Variants in CALCR observed in about 807,000 individuals in gnomAD.
CALCR encodes calcitonin receptor.
Under a neutral mutation model 59.5 loss-of-function variants are expected in CALCR, and 47 were observed. That is an observed-to-expected ratio of 0.79 (90% CI 0.63 to 1.01). CALCR has a LOEUF of 1.01. CALCR is among the 50% of genes least tolerant of loss of function. CALCR has a pLI of 0.00. For missense variants in CALCR, 566 were observed against 597.1 expected, an observed-to-expected ratio of 0.95 and a Z score of 0.54; for synonymous variants, 213 against 211.3, an observed-to-expected ratio of 1.01 and a Z score of -0.07.
chr7:93,427,235 C>G (rs936951962), intron 13 of CALCR, among the ~76,000 whole-genome samples: 2 of 152,148 alleles, frequency 1.3e-5, no homozygotes, highest in African/African-American at 4.8e-5. Context: ...GGCAAAGATG[C>G]TAACATCAGA....
At chr7:93,510,665 G>T (rs1476051496) in intron 2 of CALCR, among the ~76,000 whole-genome samples, 2 of 151,904 alleles carry the variant, frequency 1.3e-5, no homozygotes, top group Admixed American at 1.3e-4. Flanking sequence ...GCCAGGAGTT[G>T]GAGACCAGCC....
At chr7:93,494,012 G>A (rs376820827) in intron 2 of CALCR, among the ~76,000 whole-genome samples, 2 of 151,386 alleles carry the variant, frequency 1.3e-5, no homozygotes, top group African/African-American at 4.8e-5. Flanking sequence ...ATTCCTAAAG[G>A]TGACTGCTCA....
At chr7:93,554,798 G>A (rs528861352) in intron 2 of CALCR, among the ~76,000 whole-genome samples, 27 of 105,118 alleles carry the variant, frequency 2.6e-4, no homozygotes, top group African/African-American at 1.5e-3. Context: ...TATATTATAC[G>A]TACATGTCAT....
intron 2 of CALCR, among the ~76,000 whole-genome samples, chr7:93,507,422 G>A (rs1801447848): frequency 6.6e-6 from 1 of 152,062 alleles, no homozygotes; most frequent in African/African-American, 2.4e-5. Context: ...AGGAGGGTAA[G>A]GAGCCAGGAC....
chr7:93,537,092 T>G (rs1789012005), intron 2 of CALCR, among the ~76,000 whole-genome samples: 1 of 151,596 alleles, frequency 6.6e-6, no homozygotes, highest in African/African-American at 2.4e-5. Flanking sequence ...TTTGTGAGCT[T>G]GAAATTCTAT....
intron 13 of CALCR, among the ~76,000 whole-genome samples, chr7:93,430,673 A>G (rs964445434): frequency 6.6e-6 from 1 of 152,198 alleles, no homozygotes; most frequent in Non-Finnish European, 1.5e-5. Flanking sequence ...TGTGTCTAGA[A>G]TAGTGGTTCT....
intron 2 of CALCR, among the ~76,000 whole-genome samples, chr7:93,573,479 G>A (rs888480895): frequency 6.6e-6 from 1 of 152,194 alleles, no homozygotes; most frequent in Non-Finnish European, 1.5e-5. Flanking sequence ...AGATCGGCAA[G>A]TGAAACCCTG....
rs550498923 is a variant in CALCR at position 93,424,823 on chromosome 7, T to C, written c.*1533A>G. ...CCTTCTTTTCGATCCCCCCCTTACA[T>C]TCAGTAAAGGAGACTTAAACTACTT... On this transcript the variant is annotated 3_prime_UTR_variant, in exon 14 of 14. Coordinates refer to ENST00000426151, the MANE Select transcript of CALCR (RefSeq NM_001742.4). 6.6e-6 allele frequency: 1 copy of C among 152,592 alleles called. No individual in the cohort carries two copies. The highest frequency in any genetic ancestry group is 2.4e-5 in the African/African-American group (1 of 41,446). The allele number at this position is 152,592 out of a possible 1,614,324, so 9.5% of individuals were successfully genotyped here.
At chr7:93,544,284 A>T (rs779813332) in intron 2 of CALCR, among the ~76,000 whole-genome samples, 14 of 152,270 alleles carry the variant, frequency 9.2e-5, no homozygotes, top group South Asian at 6.2e-4. Flanking sequence ...AGAGGGATAG[A>T]GTCTCCATAT....
intron 2 of CALCR, among the ~76,000 whole-genome samples, chr7:93,560,750 G>T (rs1259187729): frequency 6.6e-6 from 1 of 152,142 alleles, no homozygotes; most frequent in East Asian, 1.9e-4. Flanking sequence ...TACTAAAATT[G>T]TGGTGTGGGA....
In CALCR at chr7:93,460,595, A is replaced by ATATATATATG. The variant is rs1554397840; in HGVS notation, c.648+225_648+226insCATATATATA. On this transcript the variant is annotated intron_variant, in intron 8 of 13. Coordinates refer to ENST00000426151, the MANE Select transcript of CALCR (RefSeq NM_001742.4). Reference sequence around the variant, plus strand: ...AAAATATATATATATATATATATGTATATATATATATATATATGGTTTGTT... The same window carrying ATATATATATG: ...AAAATATATATATATATATATATGTATATATATATGTATATATATATATATATGGTTTGTT... Among the ~76,000 whole-genome samples, 87 of 77,692 alleles carry ATATATATATG rather than the reference A, an allele frequency of 1.1e-3. 2 individuals carry two copies. Among genetic ancestry groups the ATATATATATG allele is most frequent in the African/African-American group, 2.8e-3 (55 of 19,482 alleles). The allele number at this position is 77,692 out of a possible 152,430, so 51.0% of individuals were successfully genotyped here.
intron 8 of CALCR, among the ~76,000 whole-genome samples, chr7:93,452,076 T>C (rs1800120835): frequency 6.6e-6 from 1 of 151,894 alleles, no homozygotes; most frequent in Non-Finnish European, 1.5e-5. Context: ...GGTACTATGC[T>C]CACTACCTGA....
intron 2 of CALCR, among the ~76,000 whole-genome samples, chr7:93,496,246 C>T (rs952776666): frequency 9.9e-5 from 15 of 151,486 alleles, no homozygotes; most frequent in South Asian, 4.2e-4. Flanking sequence ...TTAAGTCTTT[C>T]CTATTCTCTC....
intron 5 of CALCR, among the ~76,000 whole-genome samples, chr7:93,476,169 A>G (rs1290283770): frequency 1.3e-5 from 2 of 151,792 alleles, no homozygotes; most frequent in African/African-American, 4.8e-5. Flanking sequence ...GCTCTGTGCC[A>G]TTAAAATTGT....
intron 2 of CALCR, among the ~76,000 whole-genome samples, chr7:93,562,619 T>A (rs1164919613): frequency 6.6e-6 from 1 of 152,172 alleles, no homozygotes; most frequent in Non-Finnish European, 1.5e-5. Flanking sequence ...TGTTGCCCAC[T>A]AGTCATCATT....
At chr7:93,503,943 A>G (rs1801374966) in intron 2 of CALCR, among the ~76,000 whole-genome samples, 1 of 152,188 alleles carries the variant, frequency 6.6e-6, no homozygotes, top group Non-Finnish European at 1.5e-5. Context: ...GCAATAAAAA[A>G]ATGAATTAAC....
chr7:93,436,694 T>G (rs1799785863), intron 11 of CALCR, among the ~76,000 whole-genome samples: 1 of 152,212 alleles, frequency 6.6e-6, no homozygotes, highest in Admixed American at 6.5e-5. Flanking sequence ...TCTTTCTGTA[T>G]CTGAAGCTCA....
intron 2 of CALCR, among the ~76,000 whole-genome samples, chr7:93,517,424 TTAAA>T (rs1343858812): frequency 2.0e-5 from 3 of 151,778 alleles, no homozygotes; most frequent in East Asian, 3.9e-4. Flanking sequence ...GTTGGAAAGA[TTAAA>T]TAATCATATA....
In CALCR at chr7:93,444,299, T is replaced by C. The variant is rs147807874; in HGVS notation, c.649-542A>G. ...TTTCATATGGGAGCCTTGGTTTGTATATTGGGATCAAGCGCTCTCTGGGCA... is the reference window on the plus strand; with the variant it reads ...TTTCATATGGGAGCCTTGGTTTGTACATTGGGATCAAGCGCTCTCTGGGCA... On this transcript the variant is annotated intron_variant, in intron 8 of 13. Coordinates refer to ENST00000426151, the MANE Select transcript of CALCR (RefSeq NM_001742.4). Among the ~76,000 whole-genome samples, 9 of 152,208 alleles carry C rather than the reference T, an allele frequency of 5.9e-5. No individual in the cohort carries two copies. In the East Asian group the frequency reaches 1.5e-3, roughly 26 times the overall value.
Sources: allele counts gnomAD v4.1 joint callset (sites outside exome capture counted in the v4.1 genomes callset), GRCh38; gene constraint gnomAD v4.1.1; transcripts MANE v1.5; gene names NCBI Gene and HGNC (gene_info 2026-07-23, HGNC 2026-07-21).